The following OXR1 variants were observed in gnomAD, a reference collection of about 807,000 sequenced individuals.
The protein encoded by OXR1 is oxidation resistance 1.
OXR1 carries 41 observed loss-of-function variants against 104.6 expected under a neutral mutation model. That is an observed-to-expected ratio of 0.39 (90% CI 0.31 to 0.51). OXR1 has a LOEUF of 0.51. Among genes scored for constraint, OXR1 ranks in the 20% least tolerant of loss-of-function variants. OXR1 has a pLI of 0.77. For missense variants in OXR1, 955 were observed against 1,031.9 expected (o/e 0.93, Z 1.02); for synonymous variants, 348 against 348.4 (o/e 1.00, Z 0.01).
At chr8:106,468,291 G>T (rs1046494531) in intron 2 of OXR1, among the ~76,000 whole-genome samples, 3 of 151,650 alleles carry the variant, frequency 2.0e-5, no homozygotes, top group Non-Finnish European at 4.4e-5. Context: ...GTGCTATGAA[G>T]AAAACTAAAC....
At position 106,671,044 on chromosome 8, in the gene OXR1, C is replaced by CAAAAAAAAAAAAAAAAAAA. The variant is rs60404483; in HGVS notation, c.221-8165_221-8147dup. Among the ~76,000 whole-genome samples the CAAAAAAAAAAAAAAAAAAA allele has an allele frequency of 6.4e-3, 312 of 48,868 alleles. 28 individuals carry two copies. Among genetic ancestry groups the CAAAAAAAAAAAAAAAAAAA allele is most frequent in the African/African-American group, 0.015 (121 of 8,138 alleles). 32.1% of individuals were successfully genotyped at this position (48,868 alleles called of 152,430 possible). A position where few individuals can be genotyped will look rare whatever the true frequency, so the allele number is the denominator to read the frequency against. The stretch of plus-strand genomic sequence containing the variant: ...TGGGTGACAGAGTGAGACTCTGTCT[C>CAAAAAAAAAAAAAAAAAAA]AAAAAAAAAAAAAAAAAAAGAATGG... On this transcript the variant is annotated intron_variant, in intron 3 of 16. Coordinates refer to ENST00000517566, the MANE Select transcript of OXR1 (RefSeq NM_001198533.2).
chr8:106,579,605 G>T (rs1818094047), intron 3 of OXR1, among the ~76,000 whole-genome samples: 1 of 151,986 alleles, frequency 6.6e-6, no homozygotes, highest in Non-Finnish European at 1.5e-5. Context: ...AACCCCATAG[G>T]GTAGGCATCA....
intron 2 of OXR1, among the ~76,000 whole-genome samples, chr8:106,461,430 G>C (rs1041336061): frequency 1.3e-5 from 2 of 152,030 alleles, no homozygotes; most frequent in Non-Finnish European, 1.5e-5. Context: ...AATTAGCCAG[G>C]CATGGTGGCG....
chr8:106,721,672 T>G (rs971578408), intron 11 of OXR1, among the ~76,000 whole-genome samples: 15 of 152,226 alleles, frequency 9.9e-5, no homozygotes, highest in African/African-American at 3.6e-4. Context: ...AGTATAAATG[T>G]AAATATGTTA....
intron 3 of OXR1, among the ~76,000 whole-genome samples, chr8:106,631,057 A>G (rs1822642828): frequency 6.6e-6 from 1 of 152,228 alleles, no homozygotes; most frequent in Non-Finnish European, 1.5e-5. Context: ...TCAATAATGA[A>G]AAGTAAGAAA....
chr8:106,619,247 T>C (rs1001802724), intron 3 of OXR1, among the ~76,000 whole-genome samples: 1 of 152,312 alleles, frequency 6.6e-6, no homozygotes, highest in Middle Eastern at 3.4e-3. Context: ...TTTAAGTTAG[T>C]AATAAATTTA....
intron 3 of OXR1, among the ~76,000 whole-genome samples, chr8:106,548,348 C>A (rs562363968): frequency 4.5e-4 from 68 of 152,296 alleles, no homozygotes; most frequent in African/African-American, 1.6e-3. Context: ...CTCCTCCCAA[C>A]AAGCCAAAAT....
At chr8:106,339,855 G>A (rs1360678519) in intron 1 of OXR1, among the ~76,000 whole-genome samples, 1 of 151,918 alleles carries the variant, frequency 6.6e-6, no homozygotes, top group Non-Finnish European at 1.5e-5. Context: ...GAGACGTTTA[G>A]CTTTTGAAGG....
chr8:106,627,538 T>G (rs1380027732), intron 3 of OXR1, among the ~76,000 whole-genome samples: 1 of 151,136 alleles, frequency 6.6e-6, no homozygotes, highest in Non-Finnish European at 1.5e-5. Flanking sequence ...CTTGAATCAA[T>G]GTAGTGGCTT....
chr8:106,677,790 A>G (rs1488550130), intron 3 of OXR1, among the ~76,000 whole-genome samples: 1 of 151,820 alleles, frequency 6.6e-6, no homozygotes, highest in African/African-American at 2.4e-5. Context: ...TCTGCATACT[A>G]TTTTTCCTAG....
At chr8:106,364,086 C>A (rs1177094403) in intron 2 of OXR1, among the ~76,000 whole-genome samples, 1 of 151,972 alleles carries the variant, frequency 6.6e-6, no homozygotes, top group African/African-American at 2.4e-5. Flanking sequence ...CAAAATATTC[C>A]GTTTTGCATG....
intron 1 of OXR1, among the ~76,000 whole-genome samples, chr8:106,277,714 C>T (rs1343785024): frequency 6.6e-6 from 1 of 152,232 alleles, no homozygotes; most frequent in Non-Finnish European, 1.5e-5. Context: ...GACAGGCTTA[C>T]TCTTCAGGGT....
intron 3 of OXR1, among the ~76,000 whole-genome samples, chr8:106,614,479 T>C (rs908399671): frequency 1.3e-5 from 2 of 152,216 alleles, no homozygotes; most frequent in Non-Finnish European, 2.9e-5. Flanking sequence ...AGCAAGAGCA[T>C]TTTTGACTGC....
At chr8:106,503,673 C>T (rs138112626) in intron 2 of OXR1, among the ~76,000 whole-genome samples, 74 of 152,238 alleles carry the variant, frequency 4.9e-4, no homozygotes, top group African/African-American at 1.8e-3. Context: ...GGAGACCTGA[C>T]AAGGGGATGT....
chr8:106,394,772 G>C (rs1817711821), intron 2 of OXR1, among the ~76,000 whole-genome samples: 1 of 152,144 alleles, frequency 6.6e-6, no homozygotes, highest in Non-Finnish European at 1.5e-5. Flanking sequence ...TTGACCAAAA[G>C]AGGCTGCACA....
chr8:106,372,772 C>T (rs1474057841), intron 2 of OXR1, among the ~76,000 whole-genome samples: 1 of 152,092 alleles, frequency 6.6e-6, no homozygotes, highest in Non-Finnish European at 1.5e-5. Context: ...ATTCCAAAAT[C>T]CAAAAGTATC....
intron 1 of OXR1, among the ~76,000 whole-genome samples, chr8:106,288,542 G>GTGTATA (rs148349338): frequency 7.5e-5 from 11 of 147,546 alleles, no homozygotes; most frequent in African/African-American, 2.2e-4. Flanking sequence ...GTGTGTGTGT[G>GTGTATA]TATATATATA....
At chr8:106,493,082 T>A (rs1456713444) in intron 2 of OXR1, among the ~76,000 whole-genome samples, 1 of 152,168 alleles carries the variant, frequency 6.6e-6, no homozygotes, top group African/African-American at 2.4e-5. Flanking sequence ...TCATAGTAAA[T>A]TTTTCTAAAA....
chr8:106,379,601 C>T (rs767435371), intron 2 of OXR1, among the ~76,000 whole-genome samples: 4 of 132,996 alleles, frequency 3.0e-5, no homozygotes, highest in Non-Finnish European at 6.1e-5. Flanking sequence ...GGCAGTAGTG[C>T]TATCTCAGAC....
Sources: gnomAD v4.1 joint callset for allele counts (sites outside exome capture counted in the v4.1 genomes callset) on GRCh38, gnomAD v4.1.1 for gene constraint, MANE v1.5 for transcripts, NCBI Gene and HGNC (gene_info 2026-07-23, HGNC 2026-07-21) for gene names.